The following SAP30BP variants were observed in gnomAD, a reference collection of about 807,000 sequenced individuals.
SAP30BP encodes the protein SAP30-binding protein.
Under a neutral mutation model 46.3 loss-of-function variants are expected in SAP30BP, and 31 were observed. That is an observed-to-expected ratio of 0.67 (90% CI 0.50 to 0.90). The LOEUF (loss-of-function observed/expected upper bound fraction) is 0.90, where lower values mean the gene tolerates loss of function less well. Ranked by LOEUF, SAP30BP falls within the 40% of genes least tolerant of loss-of-function variation. SAP30BP has a pLI of 0.00. For synonymous variants in SAP30BP, 169 were observed against 144.2 expected (o/e 1.17, Z -1.23); for missense variants, 312 against 391.0 (o/e 0.80, Z 1.70).
intron 4 of SAP30BP, among the ~76,000 whole-genome samples, chr17:75,698,488 A>G (rs1366737352): frequency 6.6e-6 from 1 of 152,306 alleles, no homozygotes; most frequent in South Asian, 2.1e-4. Context: ...AAATCTTGCA[A>G]GTATTTTAGA....
intron 3 of SAP30BP, among the ~76,000 whole-genome samples, chr17:75,690,461 T>A (rs1242631166): frequency 2.6e-5 from 4 of 152,146 alleles, no homozygotes; most frequent in African/African-American, 7.2e-5. Flanking sequence ...TGATCATAGC[T>A]CACTGCAGCT....
chr17:75,684,773 A>G (rs2060132508), intron 3 of SAP30BP: 1 of 152,114 alleles, frequency 6.6e-6, no homozygotes, highest in Admixed American at 6.6e-5. Context: ...CTGGGTGATA[A>G]CCGGATCTGA....
At chr17:75,671,571 C>T (rs2059908179) in intron 2 of SAP30BP, among the ~76,000 whole-genome samples, 1 of 152,144 alleles carries the variant, frequency 6.6e-6, no homozygotes, top group Non-Finnish European at 1.5e-5. Flanking sequence ...TGTGGACTGT[C>T]TCACCACTAA....
chr17:75,675,452 A>G (rs958070344), intron 3 of SAP30BP, among the ~76,000 whole-genome samples: 10 of 152,120 alleles, frequency 6.6e-5, no homozygotes, highest in Non-Finnish European at 1.3e-4. Context: ...CCCGGCCTCT[A>G]CTATGGTTTT....
intron 3 of SAP30BP, among the ~76,000 whole-genome samples, chr17:75,674,047 A>G (rs2059945980): frequency 6.6e-6 from 1 of 152,168 alleles, no homozygotes; most frequent in Non-Finnish European, 1.5e-5. Context: ...GGTGATGGAG[A>G]AGGGTTTAGA....
In SAP30BP at chr17:75,703,815, T is replaced by C. The variant is rs2060452376; in HGVS notation, c.557T>C (p.Phe186Ser). ...ELGTNYPKDM[F>S]DPHGWSEDSY... ...TCGCCTTTTCCTTTGCAGGATATGT[T>C]TGATCCCCATGGCTGGTCTGAGGAC... The change falls in exon 8 of 11, where the codon TTT (phenylalanine) becomes TCT (serine). Residue 186 changes from phenylalanine to serine, a missense_variant. Physicochemically the swap from Phe to Ser is radical, Grantham distance 155 (BLOSUM62 -2). Around this residue, in one of 2 missense-constraint regions of SAP30BP, gnomAD observed 296 missense variants for 346.6 expected, o/e 0.85. Coordinates refer to ENST00000584667, the MANE Select transcript of SAP30BP (RefSeq NM_013260.8). 6.2e-7 allele frequency: 1 copy of C among 1,613,782 alleles called. No homozygotes were observed. The highest frequency in any genetic ancestry group is 1.7e-5 in the Admixed American group (1 of 60,004).
In SAP30BP at chr17:75,706,690, G is replaced by A; in HGVS notation, c.*169G>A. The stretch of plus-strand genomic sequence containing the variant: ...GAAGGACAGGCAGCACGGGAGCCAG[G>A]CGCTGTGGACAGGGTCTGTCCACGC... On this transcript the variant is annotated 3_prime_UTR_variant, in exon 11 of 11. Coordinates refer to ENST00000584667, the MANE Select transcript of SAP30BP (RefSeq NM_013260.8). The surrounding 1 kb of genome is among the most constrained non-coding windows in gnomAD (Gnocchi z 4.6). 1.5e-6 allele frequency: 1 copy of A among 648,614 alleles called. No homozygotes were observed. The highest frequency in any genetic ancestry group is 1.9e-5 in the South Asian group (1 of 52,330). The allele number at this position is 648,614 out of a possible 1,614,324, so 40.2% of individuals were successfully genotyped here.
At chr17:75,691,999 G>C (rs922821441) in intron 3 of SAP30BP, 6 of 153,768 alleles carry the variant, frequency 3.9e-5, no homozygotes, top group Non-Finnish European at 8.7e-5. Flanking sequence ...CCTGAAGTTG[G>C]TGTGGCAGTC....
Position 75,706,262 on chromosome 17 carries a change from C to T in SAP30BP, c.746-78C>T. On this transcript the variant is annotated intron_variant, in intron 10 of 10. Coordinates refer to ENST00000584667, the MANE Select transcript of SAP30BP (RefSeq NM_013260.8). The surrounding 1 kb of genome is among the most constrained non-coding windows in gnomAD (Gnocchi z 4.6). ...ACTTCGGGGTCTGCTCCCTAGACTCCCGCTGGCCTGCAGGGGGAAGGGAAA... is the reference window on the plus strand; with the variant it reads ...ACTTCGGGGTCTGCTCCCTAGACTCTCGCTGGCCTGCAGGGGGAAGGGAAA... 1.3e-6 allele frequency: 2 copies of T among 1,554,592 alleles called. No homozygotes were observed. Among genetic ancestry groups the T allele is most frequent in the Non-Finnish European group, 1.7e-6 (2 of 1,142,854 alleles).
intron 5 of SAP30BP, among the ~76,000 whole-genome samples, chr17:75,700,721 C>T (rs1225464928): frequency 1.3e-5 from 2 of 152,178 alleles, no homozygotes; most frequent in Non-Finnish European, 2.9e-5. Flanking sequence ...GTCGTCTCCC[C>T]ACCACCGCCC....
chr17:75,670,030 A>G (rs999609377), intron 2 of SAP30BP, among the ~76,000 whole-genome samples: 1 of 152,226 alleles, frequency 6.6e-6, no homozygotes. Context: ...TGTTAGCATT[A>G]AAATTCTTTC....
intron 3 of SAP30BP, among the ~76,000 whole-genome samples, chr17:75,687,128 T>G (rs910190485): frequency 6.6e-6 from 1 of 152,236 alleles, no homozygotes; most frequent in African/African-American, 2.4e-5. Flanking sequence ...AATGAGATTC[T>G]TAATTGAAGA....
At chr17:75,692,409 C>G (rs1055735831) in intron 3 of SAP30BP, 3 of 985,362 alleles carry the variant, frequency 3.0e-6, no homozygotes, top group Admixed American at 1.2e-4. Context: ...TGGCGTCCAG[C>G]AACTTTCTGT....
Position 75,706,276 on chromosome 17 carries a change from G to T in SAP30BP, c.746-64G>T. The T allele has an allele frequency of 6.4e-7, 1 of 1,568,732 alleles. No individual in the cohort carries two copies. Among genetic ancestry groups the T allele is most frequent in the South Asian group, 1.1e-5 (1 of 88,726 alleles). ...TCCCTAGACTCCCGCTGGCCTGCAGGGGGAAGGGAAAGAGGGCACCGCTCA... is the reference window on the plus strand; with the variant it reads ...TCCCTAGACTCCCGCTGGCCTGCAGTGGGAAGGGAAAGAGGGCACCGCTCA... On this transcript the variant is annotated intron_variant, in intron 10 of 10. Transcript: ENST00000584667. This position sits in a 1 kb window ranked among gnomAD's most constrained non-coding sequence, Gnocchi z 4.6.
intron 3 of SAP30BP, chr17:75,690,742 G>A (rs1314898025): frequency 4.4e-6 from 2 of 456,670 alleles, no homozygotes; most frequent in Non-Finnish European, 8.8e-6. Context: ...GGACTCAGAG[G>A]GCAGAAGAAT....
intron 5 of SAP30BP, among the ~76,000 whole-genome samples, chr17:75,700,713 C>T (rs529989514): frequency 1.4e-3 from 207 of 152,292 alleles, no homozygotes; most frequent in Non-Finnish European, 1.9e-3. Context: ...ATTGCTGGGT[C>T]GTCTCCCCAC....
intron 9 of SAP30BP, chr17:75,705,099 G>A: frequency 2.3e-6 from 1 of 425,740 alleles, no homozygotes; most frequent in African/African-American, 2.0e-5. Context: ...GGGTCATGGG[G>A]GCCCTTTGTA....
At chr17:75,676,610 A>G (rs756148899) in intron 3 of SAP30BP, among the ~76,000 whole-genome samples, 5 of 152,240 alleles carry the variant, frequency 3.3e-5, no homozygotes, top group Non-Finnish European at 5.9e-5. Context: ...TCAAATAAAA[A>G]TGGTGTTTCC....
chr17:75,674,224 C>G (rs966184039), intron 3 of SAP30BP, among the ~76,000 whole-genome samples: 3 of 152,112 alleles, frequency 2.0e-5, no homozygotes, highest in Admixed American at 2.0e-4. Context: ...GCCTCAGACT[C>G]TCTTCCACAT....
Sources: allele counts gnomAD v4.1 joint callset (sites outside exome capture counted in the v4.1 genomes callset), GRCh38; gene constraint gnomAD v4.1.1; regional missense constraint gnomAD v4.1.1; non-coding constraint Gnocchi (gnomAD v3.1); transcripts MANE v1.5; gene names NCBI Gene and HGNC (gene_info 2026-07-23, HGNC 2026-07-21).